Variants in MAFG observed in about 807,000 individuals in gnomAD.
MAFG encodes the protein MAF bZIP transcription factor G, also known as transcription factor MafG.
In MAFG, 3 loss-of-function variants were observed where a neutral mutation model predicts 12.2. The observed-to-expected ratio is 0.25, with a 90% CI of 0.11 to 0.64. The LOEUF is 0.64. Ranked by LOEUF, MAFG falls within the 30% of genes least tolerant of loss-of-function variation. The pLI is 0.85. For synonymous variants in MAFG, 126 were observed against 109.1 expected (o/e 1.15, Z -0.96); for missense variants, 153 against 235.5 (o/e 0.65, Z 2.29).
chr17:81,925,121 G>A (rs1372464420), intron 1 of MAFG, among the ~76,000 whole-genome samples: 3 of 152,236 alleles, frequency 2.0e-5, no homozygotes, highest in Non-Finnish European at 2.9e-5. Context: ...AGGGATCCCA[G>A]GAGCTGGACT....
intron 2 of MAFG, 33 bp downstream of exon 2, chr17:81,923,117 C>T: frequency 6.2e-7 from 1 of 1,612,050 alleles, no homozygotes; most frequent in Non-Finnish European, 8.5e-7. Flanking sequence ...CCCCCCGACC[C>T]CAGCCCACAG....
chr17:81,922,948 A>G lies in MAFG; in HGVS notation c.146T>C (p.Ile49Thr). 1 of 1,603,498 alleles carries G rather than the reference A, an allele frequency of 6.2e-7. No individual in the cohort carries two copies. The highest frequency in any genetic ancestry group is 8.5e-7 in the Non-Finnish European group (1 of 1,175,360). Residue 49 changes from isoleucine (I) to threonine (T), a missense_variant, in exon 3 of 3, where the codon ATC becomes ACC. Around this residue, in one of 3 missense-constraint regions of MAFG, gnomAD observed 43 missense variants for 65.6 expected, o/e 0.66. Coordinates refer to ENST00000357736, the MANE Select transcript of MAFG (RefSeq NM_002359.4). ...GCGCCGGCGCTGCTTCAGCTGGACG[A>G]TCTCCTCCTTGGACAGGCCCCGCAG... is the stretch of plus-strand genomic sequence containing the variant. ...QHLRGLSKEE[I>T]VQLKQRRRTL...
In MAFG at chr17:81,924,694, T is replaced by C. The variant is rs572014666; in HGVS notation, c.-29-1480A>G. Among the ~76,000 whole-genome samples the C allele has an allele frequency of 2.3e-3, 346 of 152,240 alleles. 4 individuals carry two copies. Among genetic ancestry groups the C allele is most frequent in the Middle Eastern group, 6.8e-3 (2 of 294 alleles). ...GCTCCAGCCACTGGATTCTTCCAGA[T>C]AAAGGATGGGGAAGACCTGAGCTGG... On this transcript the variant is annotated intron_variant, in intron 1 of 2. Transcript: ENST00000357736. This position sits in a 1 kb window ranked among gnomAD's most constrained non-coding sequence, Gnocchi z 4.7.
Position 81,922,687 on chromosome 17 carries a change from C to A in MAFG, c.407G>T (p.Gly136Val), listed in dbSNP as rs766881919. 3 of 1,507,038 alleles carry A rather than the reference C, an allele frequency of 2.0e-6. No homozygotes were observed. The highest frequency in any genetic ancestry group is 1.3e-5 in the South Asian group (1 of 74,946). 93.4% of individuals were successfully genotyped at this position (1,507,038 alleles called of 1,614,324 possible). ...CTTGCCTGGGACGAGGGGCCCCAGG[C>A]CGGCGGCAAGGGGGCCCCGGGCTGG... ...VAPARGPLAA[G>V]LGPLVPGKVA... is the part of the protein sequence containing the mutation. The change falls in exon 3 of 3, where the codon GGC (glycine) becomes GTC (valine). Residue 136 changes from glycine to valine, a missense_variant. Physicochemically the swap from Gly to Val is moderately radical, Grantham distance 109. Coordinates refer to ENST00000357736, the MANE Select transcript of MAFG (RefSeq NM_002359.4).
rs1012472447 is a variant in MAFG, at chr17:81,921,137, C to T, written c.*1468G>A. 1.3e-5 allele frequency: 2 copies of T among 152,464 alleles called. No homozygotes were observed. The highest frequency in any genetic ancestry group is 1.9e-4 in the East Asian group (1 of 5,186). The allele number at this position is 152,464 out of a possible 1,614,324, so 9.4% of individuals were successfully genotyped here. On this transcript the variant is annotated 3_prime_UTR_variant, in exon 3 of 3. Coordinates refer to ENST00000357736, the MANE Select transcript of MAFG (RefSeq NM_002359.4). Reference sequence around the variant, plus strand: ...CAAGGGACCCCAGTTTCACCTACCCCGCCACTAGATCAGCCCAAGCCCTAG... The same window carrying T: ...CAAGGGACCCCAGTTTCACCTACCCTGCCACTAGATCAGCCCAAGCCCTAG...
intron 1 of MAFG, among the ~76,000 whole-genome samples, chr17:81,927,079 C>T (rs2040946733): frequency 6.6e-6 from 1 of 151,980 alleles, no homozygotes; most frequent in South Asian, 2.1e-4. Flanking sequence ...CTCCCGGGCT[C>T]GCCGCGGACC....
Position 81,922,439 on chromosome 17 carries a change from G to C in MAFG, c.*166C>G, listed in dbSNP as rs2040899847. 1 of 522,520 alleles carries C rather than the reference G, an allele frequency of 1.9e-6. No individual in the cohort carries two copies. The highest frequency in any genetic ancestry group is 3.2e-6 in the Non-Finnish European group (1 of 308,204). 32.4% of individuals were successfully genotyped at this position (522,520 alleles called of 1,614,324 possible). A position where few individuals can be genotyped will look rare whatever the true frequency, so the allele number is the denominator to read the frequency against. On this transcript the variant is annotated 3_prime_UTR_variant, in exon 3 of 3. Transcript: ENST00000357736. ...CACGACGACAATGACGAGATCAAAG[G>C]GGCTCAGCCCGGCGCCCCTGGGGTA...
chr17:81,927,861 CA>C (rs1287802519), upstream of MAFG: 1 of 152,170 alleles, frequency 6.6e-6, no homozygotes, highest in Non-Finnish European at 1.5e-5. Flanking sequence ...TCCCTGGCAA[CA>C]CTGGCTGCTC....
Position 81,923,223 on chromosome 17 carries a change from C to T in MAFG, c.-29-9G>A. On this transcript the variant is annotated splice_polypyrimidine_tract_variant and intron_variant, in intron 1 of 2. Coordinates refer to ENST00000357736, the MANE Select transcript of MAFG (RefSeq NM_002359.4). The stretch of plus-strand genomic sequence containing the variant: ...CAGCGAGCAGGCGCTCTCTGCAAGA[C>T]ACGGAGCAGGTCAGTACCCTGGAGA... The T allele has an allele frequency of 6.5e-7, 1 of 1,548,906 alleles. No individual in the cohort carries two copies. The highest frequency in any genetic ancestry group is 8.8e-7 in the Non-Finnish European group (1 of 1,142,300).
chr17:81,925,194 G>A (rs2143823567), intron 1 of MAFG, among the ~76,000 whole-genome samples: 1 of 149,724 alleles, frequency 6.7e-6, no homozygotes, highest in African/African-American at 2.6e-5. Context: ...GGCCTGTCAT[G>A]CACCCTCTGC....
At chr17:81,925,163 C>G (rs1414486117) in intron 1 of MAFG, among the ~76,000 whole-genome samples, 1 of 152,210 alleles carries the variant, frequency 6.6e-6, no homozygotes, top group Non-Finnish European at 1.5e-5. Flanking sequence ...TCCTCCAGCC[C>G]TCAAGGCTGG....
rs1005948933 is a variant in MAFG at position 81,921,688 on chromosome 17, CTTT to C, written c.*914_*916del. 3.4e-5 allele frequency: 5 copies of C among 146,524 alleles called. No homozygotes were observed. Among genetic ancestry groups the C allele is most frequent in the African/African-American group, 7.7e-5 (3 of 38,920 alleles). The allele number at this position is 146,524 out of a possible 1,614,324, so 9.1% of individuals were successfully genotyped here. On this transcript the variant is annotated 3_prime_UTR_variant, in exon 3 of 3. Transcript: ENST00000357736. ...AGTTTACAAGAAAGGGATTTTTTTT[CTTT>C]TTTTTTCTTTTTTTTTTAACTAGCA... is the stretch of plus-strand genomic sequence containing the variant.
chr17:81,920,402 T>C lies in MAFG; in HGVS notation c.*2203A>G, dbSNP rs899842765. 6.6e-6 allele frequency: 1 copy of C among 152,260 alleles called. No homozygotes were observed. The highest frequency in any genetic ancestry group is 1.9e-4 in the East Asian group (1 of 5,198). 9.4% of individuals were successfully genotyped at this position (152,260 alleles called of 1,614,324 possible). A position where few individuals can be genotyped will look rare whatever the true frequency, so the allele number is the denominator to read the frequency against. Reference sequence around the variant, plus strand: ...CACCATCCATAGGGTTAAGCCCTGTTGGGCCACAGTTTTTCATCTTACCCA... The same window carrying C: ...CACCATCCATAGGGTTAAGCCCTGTCGGGCCACAGTTTTTCATCTTACCCA... On this transcript the variant is annotated 3_prime_UTR_variant, in exon 3 of 3. Transcript: ENST00000357736.
chr17:81,930,781 G>T (rs1478574023), upstream of MAFG: 1 of 152,306 alleles, frequency 6.6e-6, no homozygotes, highest in Admixed American at 6.5e-5. The surrounding 1 kb of genome is among the most constrained non-coding windows in gnomAD (Gnocchi z 4.1). Context: ...CATTTTTGGA[G>T]GGGGCTTTCC....
intron 1 of MAFG, 42 bp from the exon 2 acceptor site, chr17:81,923,256 C>A: frequency 2.4e-6 from 2 of 824,812 alleles, no homozygotes; most frequent in Admixed American, 4.5e-5. Flanking sequence ...AGACCACCCT[C>A]GCCGCACCCC....
chr17:81,922,352 A>C lies in MAFG; in HGVS notation c.*253T>G. ...GACTCCAAGCCTGCATGGCCCTGGT[A>C]CAAAAGGGGTTGGGGCGACCCCACG... On this transcript the variant is annotated 3_prime_UTR_variant, in exon 3 of 3. Coordinates refer to ENST00000357736, the MANE Select transcript of MAFG (RefSeq NM_002359.4). 1.3e-5 allele frequency: 4 copies of C among 299,032 alleles called. No homozygotes were observed. The highest frequency in any genetic ancestry group is 1.2e-4 in the East Asian group (2 of 17,226). 18.5% of individuals were successfully genotyped at this position (299,032 alleles called of 1,614,324 possible).
At chr17:81,925,995 CCT>C (rs1491411298) in intron 1 of MAFG, among the ~76,000 whole-genome samples, 6 of 46,504 alleles carry the variant, frequency 1.3e-4, no homozygotes, top group Non-Finnish European at 1.6e-4. Flanking sequence ...TGAGAATGGA[CCT>C]GTGTGTGTGT....
chr17:81,925,644 T>A (rs1054030887), intron 1 of MAFG, among the ~76,000 whole-genome samples: 3 of 151,644 alleles, frequency 2.0e-5, no homozygotes, highest in African/African-American at 7.3e-5. Context: ...CCGTCTCTAC[T>A]AAAAATACAA....
At chr17:81,927,083 G>A (rs1567916388) in intron 1 of MAFG, among the ~76,000 whole-genome samples, 2 of 151,532 alleles carry the variant, frequency 1.3e-5, no homozygotes, top group African/African-American at 2.4e-5. Context: ...CGGGCTCGCC[G>A]CGGACCCCCG....
Sources: gnomAD v4.1 joint callset for allele counts (sites outside exome capture counted in the v4.1 genomes callset) on GRCh38, gnomAD v4.1.1 for gene constraint, gnomAD v4.1.1 regional missense constraint, Gnocchi (gnomAD v3.1) non-coding constraint, MANE v1.5 for transcripts, NCBI Gene and HGNC (gene_info 2026-07-23, HGNC 2026-07-21) for gene names.